The following SRGAP1 variants were observed in gnomAD, a reference collection of about 807,000 sequenced individuals.
SRGAP1 encodes SLIT-ROBO Rho GTPase activating protein 1, also known as SLIT-ROBO Rho GTPase-activating protein 1.
SRGAP1 carries 43 observed loss-of-function variants against 121.9 expected under a neutral mutation model. That is an observed-to-expected ratio of 0.35 (90% CI 0.28 to 0.46). The LOEUF (loss-of-function observed/expected upper bound fraction) is 0.46. Among genes scored for constraint, SRGAP1 ranks in the 20% least tolerant of loss-of-function variants. The probability of loss-of-function intolerance (pLI) is 1.00; values close to 1 mark genes in which losing one functional copy is unlikely to be tolerated. For missense variants in SRGAP1, 1,102 were observed against 1,350.9 expected, an observed-to-expected ratio of 0.82 and a Z score of 2.89; for synonymous variants, 447 against 485.4, an observed-to-expected ratio of 0.92 and a Z score of 1.04.
intron 10 of SRGAP1, chr12:64,081,215 G>A (rs958312604): frequency 3.3e-5 from 5 of 152,216 alleles, no homozygotes; most frequent in African/African-American, 1.2e-4. Flanking sequence ...AAAAGAGAAT[G>A]TGGAAGGGAG....
intron 1 of SRGAP1, among the ~76,000 whole-genome samples, chr12:63,982,197 C>A (rs1249148279): frequency 2.7e-5 from 4 of 149,142 alleles, no homozygotes; most frequent in East Asian, 2.0e-4. Context: ...GGAGACAGAG[C>A]AAGACTCCGT....
At chr12:63,946,588 C>T (rs199781387) in intron 1 of SRGAP1, among the ~76,000 whole-genome samples, 22 of 150,874 alleles carry the variant, frequency 1.5e-4, no homozygotes, top group East Asian at 1.4e-3. Context: ...CTCTCGCCCA[C>T]GCTGGAGTGC....
intron 10 of SRGAP1, chr12:64,081,838 C>A (rs1035250934): frequency 6.6e-6 from 1 of 150,758 alleles, no homozygotes; most frequent in African/African-American, 2.4e-5. Context: ...CATTAACAGC[C>A]GGAAAATCTA....
At chr12:64,106,427 C>G (rs1349432636) in intron 15 of SRGAP1, among the ~76,000 whole-genome samples, 5 of 152,150 alleles carry the variant, frequency 3.3e-5, no homozygotes. Context: ...CAGTTAATTT[C>G]TGATATGAGA....
intron 10 of SRGAP1, among the ~76,000 whole-genome samples, chr12:64,083,411 C>T (rs192849558): frequency 6.6e-6 from 1 of 152,306 alleles, no homozygotes; most frequent in East Asian, 1.9e-4. Context: ...TGCCTTACTG[C>T]TCGCTTTTTG....
chr12:63,907,027 G>A (rs549210596), intron 1 of SRGAP1, among the ~76,000 whole-genome samples: 2 of 152,220 alleles, frequency 1.3e-5, no homozygotes, highest in African/African-American at 4.8e-5. Context: ...TGTTCCCACA[G>A]CAGTATGTGA....
At chr12:64,070,573 A>G (rs997896762) in intron 8 of SRGAP1, among the ~76,000 whole-genome samples, 2 of 152,206 alleles carry the variant, frequency 1.3e-5, no homozygotes, top group African/African-American at 4.8e-5. Context: ...TAATTTCTCA[A>G]TCAATTTGCG....
At chr12:63,880,835 C>T (rs552530883) in intron 1 of SRGAP1, among the ~76,000 whole-genome samples, 109 of 152,330 alleles carry the variant, frequency 7.2e-4, no homozygotes, top group African/African-American at 2.5e-3. Context: ...GCCTCCCTGG[C>T]TCCTGGCAGA....
chr12:63,871,255 T>C (rs1023316637), intron 1 of SRGAP1, among the ~76,000 whole-genome samples: 2 of 152,240 alleles, frequency 1.3e-5, no homozygotes, highest in African/African-American at 4.8e-5. Flanking sequence ...ACTAAGATTC[T>C]AGAAAATGCA....
At chr12:64,093,894 A>G (rs148056368) in intron 12 of SRGAP1, among the ~76,000 whole-genome samples, 355 of 152,310 alleles carry the variant, frequency 2.3e-3, no homozygotes, top group African/African-American at 8.3e-3. Context: ...AAATTGCTGA[A>G]CTGCATTATT....
chr12:63,885,351 C>A (rs1900342901), intron 1 of SRGAP1, among the ~76,000 whole-genome samples: 1 of 152,120 alleles, frequency 6.6e-6, no homozygotes, highest in African/African-American at 2.4e-5. Flanking sequence ...TGAAGAGATG[C>A]CAAGGGCGAG....
At chr12:64,058,312 AT>A (rs1267155960) in intron 6 of SRGAP1, among the ~76,000 whole-genome samples, 1 of 152,218 alleles carries the variant, frequency 6.6e-6, no homozygotes, top group African/African-American at 2.4e-5. Flanking sequence ...CATTAAATGC[AT>A]TTTTAATTTA....
At chr12:63,851,862 T>A (rs895513956) in intron 1 of SRGAP1, among the ~76,000 whole-genome samples, 2 of 151,918 alleles carry the variant, frequency 1.3e-5, no homozygotes, top group Non-Finnish European at 2.9e-5. Context: ...CCACTGCATC[T>A]GGCCTCCTTG....
At chr12:63,878,457 T>C (rs1360342069) in intron 1 of SRGAP1, among the ~76,000 whole-genome samples, 1 of 152,220 alleles carries the variant, frequency 6.6e-6, no homozygotes, top group Non-Finnish European at 1.5e-5. Context: ...CAGAGATAAA[T>C]TCTTGCCACC....
chr12:64,137,214 A>G (rs1286035753), intron 21 of SRGAP1, among the ~76,000 whole-genome samples: 1 of 152,070 alleles, frequency 6.6e-6, no homozygotes, highest in Non-Finnish European at 1.5e-5. Flanking sequence ...CAGTGAGCCG[A>G]GATCACAGTA....
At chr12:64,114,051 G>A (rs1334918817) in intron 17 of SRGAP1, among the ~76,000 whole-genome samples, 1 of 151,966 alleles carries the variant, frequency 6.6e-6, no homozygotes, top group African/African-American at 2.4e-5. Flanking sequence ...TTGAATCATA[G>A]TATGGTCATA....
chr12:63,926,605 A>C (rs2031271377), intron 1 of SRGAP1, among the ~76,000 whole-genome samples: 1 of 152,138 alleles, frequency 6.6e-6, no homozygotes, highest in Admixed American at 6.6e-5. Flanking sequence ...CATGGGGTAC[A>C]ATGTGATGTT....
intron 6 of SRGAP1, among the ~76,000 whole-genome samples, chr12:64,046,782 A>G (rs2035139046): frequency 6.6e-6 from 1 of 152,180 alleles, no homozygotes; most frequent in African/African-American, 2.4e-5. Context: ...CTGGAATCGC[A>G]TATCAGGATT....
chr12:63,989,008 G>A (rs1462905353), intron 2 of SRGAP1, among the ~76,000 whole-genome samples: 2 of 151,848 alleles, frequency 1.3e-5, no homozygotes, highest in Admixed American at 6.6e-5. Context: ...GCGGGGTTTC[G>A]CCATGTTGCC....
Sources: gnomAD v4.1 joint callset for allele counts (sites outside exome capture counted in the v4.1 genomes callset) on GRCh38, gnomAD v4.1.1 for gene constraint, MANE v1.5 for transcripts, NCBI Gene and HGNC (gene_info 2026-07-23, HGNC 2026-07-21) for gene names.